The following HIVEP3 variants were observed in gnomAD, a reference collection of about 807,000 sequenced individuals.
HIVEP3 encodes the protein transcription factor HIVEP3.
In HIVEP3, 49 loss-of-function variants were observed where a neutral mutation model predicts 152.8. The ratio of observed to expected loss-of-function variants is 0.32; its 90% confidence interval spans 0.26 to 0.41. The LOEUF is 0.41. HIVEP3 is among the 10% of genes least tolerant of loss of function. HIVEP3 has a pLI of 1.00. For synonymous variants in HIVEP3, 1,269 were observed against 1,289.0 expected (o/e 0.98, Z 0.33); for missense variants, 2,790 against 3,103.3 (o/e 0.90, Z 2.40).
intron 1 of HIVEP3, among the ~76,000 whole-genome samples, chr1:41,715,908 T>C (rs1223842203): frequency 6.6e-6 from 1 of 152,184 alleles, no homozygotes; most frequent in Non-Finnish European, 1.5e-5. Flanking sequence ...AACTTGCACA[T>C]ATACACAGGG....
At chr1:41,577,131 G>C (rs952313649) in intron 4 of HIVEP3, among the ~76,000 whole-genome samples, 3 of 152,198 alleles carry the variant, frequency 2.0e-5, no homozygotes, top group African/African-American at 4.8e-5. Context: ...TTGGGTGGCA[G>C]TGTACCACTT....
chr1:41,734,808 C>A (rs549165811), intron 1 of HIVEP3, among the ~76,000 whole-genome samples: 1 of 152,278 alleles, frequency 6.6e-6, no homozygotes, highest in East Asian at 1.9e-4. Flanking sequence ...ACGTGGGTGG[C>A]TGCTTGATGC....
intron 5 of HIVEP3, among the ~76,000 whole-genome samples, chr1:41,540,138 C>A (rs1416867951): frequency 6.6e-6 from 1 of 152,234 alleles, no homozygotes; most frequent in East Asian, 1.9e-4. Flanking sequence ...TGCGGGGCAG[C>A]AGCCAGAGAG....
intron 4 of HIVEP3, among the ~76,000 whole-genome samples, chr1:41,575,960 T>A (rs748509848): frequency 7.9e-5 from 12 of 152,210 alleles, no homozygotes; most frequent in Non-Finnish European, 1.2e-4. Context: ...AAGACCTGTG[T>A]TTGTTCTCTG....
In HIVEP3 at chr1:41,579,916, C is replaced by A. The variant is rs139041950; in HGVS notation, c.4882G>T (p.Ala1628Ser). The change falls in exon 4 of 9, where the codon GCT becomes TCT. Residue 1628 changes from alanine to serine, a missense_variant. Coordinates refer to ENST00000372583, the MANE Select transcript of HIVEP3 (RefSeq NM_024503.5). ...QHADRRSSVY[A>S]GWCISLYNPN... is the part of the protein sequence containing the mutation. ...TTGTACAAACTTATGCACCAACCAG[C>A]GTAAACAGAGGACCTCCTATCTGCA... 7 of 1,614,074 alleles carry A rather than the reference C, an allele frequency of 4.3e-6. No individual in the cohort carries two copies. The highest frequency in any genetic ancestry group is 5.9e-6 in the Non-Finnish European group (7 of 1,180,034).
chr1:41,852,984 G>A (rs948109491), intron 1 of HIVEP3, among the ~76,000 whole-genome samples: 15 of 152,312 alleles, frequency 9.8e-5, no homozygotes, highest in Middle Eastern at 3.4e-3. Context: ...GTCTGGGTGG[G>A]AACAGAGACT....
intron 5 of HIVEP3, among the ~76,000 whole-genome samples, chr1:41,565,002 G>A (rs1334888660): frequency 6.6e-6 from 1 of 152,222 alleles, no homozygotes; most frequent in African/African-American, 2.4e-5. Flanking sequence ...AAGATGCACA[G>A]AGCGTCAGGT....
intron 2 of HIVEP3, among the ~76,000 whole-genome samples, chr1:41,638,324 AAGAAAGAAAG>A (rs2149155301): frequency 6.9e-5 from 3 of 43,424 alleles, no homozygotes; most frequent in South Asian, 1.2e-3. Flanking sequence ...AAAGGAAAGA[AAGAAAGAAAG>A]GGAGAGAGAG....
chr1:41,561,789 C>T (rs1390147117), intron 5 of HIVEP3, among the ~76,000 whole-genome samples: 5 of 28,572 alleles, frequency 1.7e-4, no homozygotes, highest in African/African-American at 4.9e-4. Context: ...AGGCACCATG[C>T]CTGACCCATA....
At chr1:41,919,013 C>T (rs1190573261), upstream of HIVEP3, among the ~76,000 whole-genome samples, 1 of 152,168 alleles carries the variant, frequency 6.6e-6, no homozygotes, top group Non-Finnish European at 1.5e-5. Context: ...AAGCCAGTCC[C>T]ATGCCTAAAG....
chr1:41,529,982 A>G (rs1643195431), intron 5 of HIVEP3, among the ~76,000 whole-genome samples: 1 of 107,970 alleles, frequency 9.3e-6, no homozygotes, highest in African/African-American at 3.8e-5. Context: ...GCTCACACCC[A>G]TGCACACACA....
At chr1:41,522,380 C>T (rs940598601) in intron 6 of HIVEP3, among the ~76,000 whole-genome samples, 9 of 152,252 alleles carry the variant, frequency 5.9e-5, no homozygotes, top group Non-Finnish European at 1.2e-4. Flanking sequence ...TCAGATTCCA[C>T]CATTTCCCAT....
intron 1 of HIVEP3, among the ~76,000 whole-genome samples, chr1:41,987,960 C>G (rs1287679932): frequency 6.6e-6 from 1 of 152,130 alleles, no homozygotes; most frequent in Non-Finnish European, 1.5e-5. Flanking sequence ...TATGGGGGAA[C>G]CACCCCCATG....
At chr1:41,725,114 A>T (rs1005569750) in intron 1 of HIVEP3, among the ~76,000 whole-genome samples, 1 of 152,238 alleles carries the variant, frequency 6.6e-6, no homozygotes, top group Non-Finnish European at 1.5e-5. Flanking sequence ...GAAAGGCAGA[A>T]TTGAAACCCA....
chr1:41,791,769 C>A (rs1350953244), intron 1 of HIVEP3, among the ~76,000 whole-genome samples: 12 of 152,146 alleles, frequency 7.9e-5, no homozygotes, highest in Non-Finnish European at 1.8e-4. Context: ...AACAGACATA[C>A]AAGTCATTTC....
chr1:41,544,035 A>G (rs946823203), intron 5 of HIVEP3: 3 of 152,086 alleles, frequency 2.0e-5, no homozygotes, highest in Non-Finnish European at 1.5e-5. Flanking sequence ...ACAGCCACCA[A>G]AGGGTCGTCT....
intron 3 of HIVEP3, among the ~76,000 whole-genome samples, chr1:41,608,872 G>T (rs1034300566): frequency 6.7e-6 from 1 of 148,610 alleles, no homozygotes; most frequent in Non-Finnish European, 1.5e-5. Context: ...AGGAGTTTGG[G>T]ACCAGCCTGA....
At chr1:41,893,339 T>G (rs1411831186) in intron 1 of HIVEP3, among the ~76,000 whole-genome samples, 3 of 152,170 alleles carry the variant, frequency 2.0e-5, no homozygotes, top group Non-Finnish European at 4.4e-5. Flanking sequence ...TGCAAAACTC[T>G]CCAGGATATT....
chr1:41,977,697 G>C (rs759010615), intron 1 of HIVEP3, among the ~76,000 whole-genome samples: 13 of 152,210 alleles, frequency 8.5e-5, no homozygotes, highest in Admixed American at 3.3e-4. Flanking sequence ...TGCTGTGAGA[G>C]GACCAGATGC....
Sources: allele counts gnomAD v4.1 joint callset (sites outside exome capture counted in the v4.1 genomes callset), GRCh38; gene constraint gnomAD v4.1.1; transcripts MANE v1.5; gene names NCBI Gene and HGNC (gene_info 2026-07-23, HGNC 2026-07-21).